Variants in ZNF107 observed in about 807,000 individuals in gnomAD.
ZNF107 encodes the protein C2H2 type zinc-finger protein.
A neutral mutation model predicts 12.3 loss-of-function variants in ZNF107; 19 were observed. The observed-to-expected ratio is 1.55, with a 90% confidence interval of 1.08 to 2.27. The LOEUF (loss-of-function observed/expected upper bound fraction) is 2.27, where lower values mean the gene tolerates loss of function less well. Ranked by LOEUF, ZNF107 falls within the 30% of genes most tolerant of loss-of-function variation. ZNF107 has a pLI of 0.00. For missense variants in ZNF107, 958 were observed against 979.9 expected, an observed-to-expected ratio of 0.98 and a Z score of 0.30; for synonymous variants, 317 against 330.5, an observed-to-expected ratio of 0.96 and a Z score of 0.44.
chr7:64,688,005 A>G (rs553954920), intron 1 of ZNF107, among the ~76,000 whole-genome samples: 1 of 152,206 alleles, frequency 6.6e-6, no homozygotes, highest in Non-Finnish European at 1.5e-5. Flanking sequence ...TGCAAAATGC[A>G]TGCTGTCCCC....
intron 3 of ZNF107, among the ~76,000 whole-genome samples, chr7:64,693,519 T>C (rs1790189671): frequency 6.6e-6 from 1 of 151,926 alleles, no homozygotes; most frequent in South Asian, 2.1e-4. Context: ...TCTGGGTTTG[T>C]AGTGGAGAGG....
chr7:64,708,047 A>C lies in ZNF107; in HGVS notation c.1950A>C (p.Lys650Asn). 6.2e-7 allele frequency: 1 copy of C among 1,613,614 alleles called. No individual in the cohort carries two copies. The highest frequency in any genetic ancestry group is 8.5e-7 in the Non-Finnish European group (1 of 1,179,722). Residue 650 changes from lysine (K) to asparagine (N), a missense_variant, in exon 4 of 4, where the codon AAA becomes AAC. By Grantham distance (94) the Lys-to-Asn change is moderately conservative (BLOSUM62 0). Coordinates refer to ENST00000620827, the MANE Select transcript of ZNF107 (RefSeq NM_001282359.2). ...TTCATACTGGAGAGAACCTCTACAA[A>C]TTTGAAGAACATGGAAAAGCTTTTA... ...KIIHTGENLY[K>N]FEEHGKAFNL...
intron 3 of ZNF107, among the ~76,000 whole-genome samples, chr7:64,693,038 G>A (rs183268161): frequency 2.6e-5 from 4 of 151,464 alleles, no homozygotes; most frequent in South Asian, 2.1e-4. Flanking sequence ...TTGCTCTGTC[G>A]CCCAGGCTGG....
At chr7:64,686,169 C>T (rs1789901218) in intron 1 of ZNF107, among the ~76,000 whole-genome samples, 1 of 152,046 alleles carries the variant, frequency 6.6e-6, no homozygotes, top group African/African-American at 2.4e-5. Context: ...GTTTTTCCAC[C>T]AACCAGTCTG....
At chr7:64,672,400 A>G (rs570422104) in intron 1 of ZNF107, among the ~76,000 whole-genome samples, 1 of 152,272 alleles carries the variant, frequency 6.6e-6, no homozygotes, top group Non-Finnish European at 1.5e-5. Context: ...CTTGTCACAC[A>G]GGCTGAAGTG....
At chr7:64,680,076 C>T (rs1789596375) in intron 1 of ZNF107, among the ~76,000 whole-genome samples, 1 of 152,076 alleles carries the variant, frequency 6.6e-6, no homozygotes, top group Middle Eastern at 3.2e-3. Context: ...CATACCATGC[C>T]TCCCTATATC....
chr7:64,703,298 A>G (rs900682558), intron 3 of ZNF107, among the ~76,000 whole-genome samples: 1 of 152,134 alleles, frequency 6.6e-6, no homozygotes, highest in Non-Finnish European at 1.5e-5. Context: ...TTGTATAAAT[A>G]TTATCCCTGT....
Position 64,708,753 on chromosome 7 carries a change from T to C in ZNF107, c.*97T>C. The C allele has an allele frequency of 8.2e-7, 1 of 1,225,482 alleles. No homozygotes were observed. The highest frequency in any genetic ancestry group is 1.1e-6 in the Non-Finnish European group (1 of 888,772). 75.9% of individuals were successfully genotyped at this position (1,225,482 alleles called of 1,614,324 possible). A position where few individuals can be genotyped will look rare whatever the true frequency, so the allele number is the denominator to read the frequency against. On this transcript the variant is annotated 3_prime_UTR_variant, in exon 4 of 4. Transcript: ENST00000620827. ...AAAGCCTTTAACAAGTCTTCAACTT[T>C]TTCTGCACACACGAGGTATTTTATA...
Position 64,687,590 on chromosome 7 carries a change from C to T in ZNF107, c.4-3658C>T, listed in dbSNP as rs1368274902. On this transcript the variant is annotated intron_variant, in intron 1 of 3. Transcript: ENST00000620827. ...TTTAAGTTGCAAAATTACCTTTTGT[C>T]ATGAAGATGTGAAAAGTGTATTTTG... 6 of 982,760 alleles carry T rather than the reference C, an allele frequency of 6.1e-6. No homozygotes were observed. The African/African-American group carries it at 1.0e-4, about 17-fold the overall frequency. The allele number at this position is 982,760 out of a possible 1,614,324, so 60.9% of individuals were successfully genotyped here. A position where few individuals can be genotyped will look rare whatever the true frequency, so the allele number is the denominator to read the frequency against.
chr7:64,692,037 A>G, intron 3 of ZNF107, 77 bp downstream of exon 3: 1 of 1,026,110 alleles, frequency 9.7e-7, no homozygotes, highest in Non-Finnish European at 1.3e-6. Flanking sequence ...CAGTCCTTAA[A>G]ATATGATTTG....
In ZNF107 at chr7:64,708,860, G is replaced by A. The variant is rs561559438; in HGVS notation, c.*204G>A. On this transcript the variant is annotated 3_prime_UTR_variant, in exon 4 of 4. Transcript: ENST00000620827. ...ACCTTACTGAAAGTTGAGAAAATTC[G>A]TACTGGAGAGAATCCTACAAATGTG... 291 of 609,782 alleles carry A rather than the reference G, an allele frequency of 4.8e-4. No individual in the cohort carries two copies. Among genetic ancestry groups the A allele is most frequent in the Non-Finnish European group, 6.7e-4 (236 of 350,226 alleles). 37.8% of individuals were successfully genotyped at this position (609,782 alleles called of 1,614,324 possible). A position where few individuals can be genotyped will look rare whatever the true frequency, so the allele number is the denominator to read the frequency against.
intron 1 of ZNF107, among the ~76,000 whole-genome samples, chr7:64,675,852 G>A (rs1045359224): frequency 2.0e-5 from 3 of 151,980 alleles, no homozygotes; most frequent in African/African-American, 7.3e-5. Flanking sequence ...AGTCATTCAG[G>A]TGCAGGTGTT....
rs1790881194 is a variant in ZNF107 at position 64,711,390 on chromosome 7, A to T, written c.*2734A>T. The T allele has an allele frequency of 6.6e-6, 1 of 152,210 alleles. No individual in the cohort carries two copies. Among genetic ancestry groups the T allele is most frequent in the African/African-American group, 2.4e-5 (1 of 41,456 alleles). The allele number at this position is 152,210 out of a possible 1,614,324, so 9.4% of individuals were successfully genotyped here. On this transcript the variant is annotated 3_prime_UTR_variant, in exon 4 of 4. Coordinates refer to ENST00000620827, the MANE Select transcript of ZNF107 (RefSeq NM_001282359.2). ...GCATATAATTTTATGTATTAATCAC[A>T]TCAGGGCAAAAGATGTATCCATCAA... is the stretch of plus-strand genomic sequence containing the variant.
chr7:64,695,011 T>C (rs1036953063), intron 3 of ZNF107, among the ~76,000 whole-genome samples: 1 of 152,022 alleles, frequency 6.6e-6, no homozygotes, highest in Admixed American at 6.6e-5. Context: ...ATATAACTTA[T>C]TCTCAAATAC....
At chr7:64,669,977 T>C (rs1315482927) in intron 1 of ZNF107, among the ~76,000 whole-genome samples, 1 of 152,036 alleles carries the variant, frequency 6.6e-6, no homozygotes, top group Non-Finnish European at 1.5e-5. Context: ...GCCCAGTTAG[T>C]TCTTTCTTGG....
chr7:64,678,252 G>A (rs1789503050), intron 1 of ZNF107, among the ~76,000 whole-genome samples: 1 of 152,148 alleles, frequency 6.6e-6, no homozygotes, highest in African/African-American at 2.4e-5. Flanking sequence ...CACAAAGATA[G>A]TATTAAATTT....
chr7:64,706,882 G>T lies in ZNF107; in HGVS notation c.785G>T (p.Cys262Phe), dbSNP rs1454422721. ...TEEKPNKCEE[C>F]GKAFKQASHL... ...GAGAAACCCAACAAATGTGAAGAAT[G>T]TGGCAAGGCCTTTAAACAGGCCTCA... is the stretch of plus-strand genomic sequence containing the variant. The change falls in exon 4 of 4, where the codon TGT (cysteine) becomes TTT (phenylalanine). Residue 262 changes from cysteine (C) to phenylalanine (F), a missense_variant. Cys to Phe is a radical substitution (Grantham distance 205, BLOSUM62 -2). Transcript: ENST00000620827. 1.9e-6 allele frequency: 3 copies of T among 1,613,428 alleles called. No individual in the cohort carries two copies. The highest frequency in any genetic ancestry group is 2.5e-6 in the Non-Finnish European group (3 of 1,179,730).
rs1790587797 is a variant in ZNF107, at chr7:64,704,868, T to C, written c.227-1456T>C. Among the ~76,000 whole-genome samples the C allele has an allele frequency of 1.3e-5, 2 of 152,056 alleles. 1 individual carries two copies. The highest frequency in any genetic ancestry group is 4.1e-4 in the South Asian group (2 of 4,820). On this transcript the variant is annotated intron_variant, in intron 3 of 3. Coordinates refer to ENST00000620827, the MANE Select transcript of ZNF107 (RefSeq NM_001282359.2). ...TTATTTTTTATATTTTTAGTACAGA[T>C]GGGGTTTCACCATGTTGATCAGGCT...
chr7:64,704,368 C>T (rs1790572411), intron 3 of ZNF107, among the ~76,000 whole-genome samples: 1 of 152,082 alleles, frequency 6.6e-6, no homozygotes, highest in South Asian at 2.1e-4. Context: ...GCCTCAGCCT[C>T]CTGAGTAGCT....
Sources: gnomAD v4.1 joint callset for allele counts (sites outside exome capture counted in the v4.1 genomes callset) on GRCh38, gnomAD v4.1.1 for gene constraint, MANE v1.5 for transcripts, NCBI Gene and HGNC (gene_info 2026-07-23, HGNC 2026-07-21) for gene names.